The following PRKN variants were observed in gnomAD, a reference collection of about 807,000 sequenced individuals.
PRKN encodes the protein parkin RBR E3 ubiquitin protein ligase.
PRKN carries 56 observed loss-of-function variants against 59.5 expected under a neutral mutation model. That is an observed-to-expected ratio of 0.94 (90% confidence interval 0.76 to 1.18). PRKN has a LOEUF of 1.18. Among genes scored for constraint, PRKN ranks in the 50% most tolerant of loss-of-function variants. The probability of loss-of-function intolerance (pLI) is 0.00; values close to 1 mark genes in which losing one functional copy is unlikely to be tolerated. For synonymous variants in PRKN, 250 were observed against 222.1 expected (o/e 1.13, Z -1.12); for missense variants, 657 against 596.4 (o/e 1.10, Z -1.06).
At chr6:161,870,609 G>A (rs947170923) in intron 6 of PRKN, among the ~76,000 whole-genome samples, 1 of 152,102 alleles carries the variant, frequency 6.6e-6, no homozygotes, top group Non-Finnish European at 1.5e-5. Flanking sequence ...TGATCAGAAG[G>A]CTATCAATAT....
Position 161,498,540 on chromosome 6 carries a change from C to T in PRKN, c.1083+50314G>A, listed in dbSNP as rs2115294020. On this transcript the variant is annotated intron_variant, in intron 9 of 11. Transcript: ENST00000366898. The surrounding 1 kb of genome is among the most constrained non-coding windows in gnomAD (Gnocchi z 4.2). ...AGATGTCGTCAAATGCCTTGTTTGG[C>T]CAATGAAATGTGGGTGGCAATGACA... 6.6e-6 allele frequency among the ~76,000 whole-genome samples: 1 copy of T among 152,250 alleles called. No individual in the cohort carries two copies. The highest frequency in any genetic ancestry group is 1.9e-4 in the East Asian group (1 of 5,168).
chr6:161,678,536 A>G (rs1246509139), intron 7 of PRKN, among the ~76,000 whole-genome samples: 1 of 149,822 alleles, frequency 6.7e-6, no homozygotes, highest in African/African-American at 2.5e-5. Flanking sequence ...TAAGCAAAAA[A>G]CCTTTAAATT....
intron 5 of PRKN, among the ~76,000 whole-genome samples, chr6:161,994,143 A>T (rs1156693768): frequency 2.6e-5 from 4 of 152,036 alleles, no homozygotes; most frequent in African/African-American, 9.7e-5. Flanking sequence ...ATCAAGTGAG[A>T]TTTTTCTCAG....
At chr6:162,423,782 T>C (rs997218748) in intron 2 of PRKN, among the ~76,000 whole-genome samples, 3 of 152,166 alleles carry the variant, frequency 2.0e-5, no homozygotes, top group Non-Finnish European at 2.9e-5. Context: ...TTATACTAAA[T>C]AATGTCTATT....
At chr6:161,858,094 C>A (rs1278816494) in intron 6 of PRKN, among the ~76,000 whole-genome samples, 1 of 152,164 alleles carries the variant, frequency 6.6e-6, no homozygotes, top group East Asian at 1.9e-4. Context: ...ATGCATAAAG[C>A]AGGTACTAAT....
chr6:161,799,667 A>C (rs1791000398), intron 6 of PRKN, among the ~76,000 whole-genome samples: 1 of 152,224 alleles, frequency 6.6e-6, no homozygotes, highest in South Asian at 2.1e-4. Context: ...TTGTCTCTTC[A>C]GATTGGAAGG....
chr6:161,566,934 T>G lies in PRKN; in HGVS notation c.933+2421A>C, dbSNP rs1396974066. Among the ~76,000 whole-genome samples, 1 of 152,122 alleles carries G rather than the reference T, an allele frequency of 6.6e-6. No homozygotes were observed. Among genetic ancestry groups the G allele is most frequent in the Non-Finnish European group, 1.5e-5 (1 of 68,034 alleles). ...TGAGGCTTCTCTGGATACCTTTCAG[T>G]CTTTATTCACCTGTCACCTGCTCAG... On this transcript the variant is annotated intron_variant, in intron 8 of 11. Coordinates refer to ENST00000366898, the MANE Select transcript of PRKN (RefSeq NM_004562.3). The surrounding 1 kb of genome is among the most constrained non-coding windows in gnomAD (Gnocchi z 4.1).
chr6:161,905,788 C>T (rs1370189680), intron 6 of PRKN, among the ~76,000 whole-genome samples: 1 of 151,982 alleles, frequency 6.6e-6, no homozygotes, highest in Middle Eastern at 3.4e-3. Flanking sequence ...TGGTGAAACC[C>T]TGTCTCTACC....
At chr6:161,729,082 T>C (rs906158459) in intron 7 of PRKN, among the ~76,000 whole-genome samples, 60 of 152,362 alleles carry the variant, frequency 3.9e-4, no homozygotes, top group African/African-American at 1.4e-3. Flanking sequence ...ACAATTATTC[T>C]TCCTTTGTTC....
chr6:161,939,457 C>A (rs879574530), intron 6 of PRKN, among the ~76,000 whole-genome samples: 55 of 142,196 alleles, frequency 3.9e-4, no homozygotes, highest in Admixed American at 5.8e-4. Context: ...CGTCGTCGGG[C>A]ATGGTGGCTC....
intron 2 of PRKN, among the ~76,000 whole-genome samples, chr6:162,324,918 A>G (rs1296782137): frequency 7.9e-6 from 1 of 125,858 alleles, no homozygotes; most frequent in Non-Finnish European, 1.8e-5. Context: ...CAACTTTTGC[A>G]TCTGATGTAA....
chr6:161,757,455 G>T lies in PRKN; in HGVS notation c.871+28317C>A, dbSNP rs114994334. 6.1e-3 allele frequency among the ~76,000 whole-genome samples: 926 copies of T among 152,008 alleles called. 11 individuals carry two copies. The highest frequency in any genetic ancestry group is 0.021 in the African/African-American group (884 of 41,474). ...CCAGCCTGAACGACAGAGACTCCGT[G>T]TCACCATAAAAATAATAATAAAATA... On this transcript the variant is annotated intron_variant, in intron 7 of 11. Coordinates refer to ENST00000366898, the MANE Select transcript of PRKN (RefSeq NM_004562.3).
At chr6:161,912,715 C>G (rs754396329) in intron 6 of PRKN, among the ~76,000 whole-genome samples, 2 of 152,048 alleles carry the variant, frequency 1.3e-5, no homozygotes, top group Non-Finnish European at 2.9e-5. Flanking sequence ...TGGCTGCCAG[C>G]CATCCTCACC....
At chr6:162,423,544 G>A (rs1325207926) in intron 2 of PRKN, among the ~76,000 whole-genome samples, 1 of 152,164 alleles carries the variant, frequency 6.6e-6, no homozygotes, top group African/African-American at 2.4e-5. Context: ...CACAATGACA[G>A]GGAGTAGGAG....
intron 2 of PRKN, among the ~76,000 whole-genome samples, chr6:162,333,279 G>C (rs1312512945): frequency 6.7e-6 from 1 of 148,698 alleles, no homozygotes; most frequent in Non-Finnish European, 1.5e-5. Context: ...AGGCTAGAGT[G>C]CACATGCAGG....
chr6:161,884,243 T>C (rs950053159), intron 6 of PRKN, among the ~76,000 whole-genome samples: 5 of 152,196 alleles, frequency 3.3e-5, no homozygotes, highest in Non-Finnish European at 7.3e-5. Context: ...TACATTAGCA[T>C]GTTTCTAATG....
At chr6:162,522,173 G>C (rs1388620660) in intron 1 of PRKN, among the ~76,000 whole-genome samples, 2 of 152,206 alleles carry the variant, frequency 1.3e-5, no homozygotes, top group Non-Finnish European at 2.9e-5. Flanking sequence ...ACCCAGGCTA[G>C]AGTGTAGTGG....
At chr6:161,679,420 T>C (rs1482052012) in intron 7 of PRKN, among the ~76,000 whole-genome samples, 1 of 152,052 alleles carries the variant, frequency 6.6e-6, no homozygotes, top group African/African-American at 2.4e-5. Context: ...CTCTGACCCC[T>C]GAGCCACACT....
intron 4 of PRKN, among the ~76,000 whole-genome samples, chr6:162,172,109 C>T (rs1435651359): frequency 6.6e-6 from 1 of 152,206 alleles, no homozygotes; most frequent in Non-Finnish European, 1.5e-5. Flanking sequence ...CACCTAAGGA[C>T]ACAGAGTAAG....
Sources: gnomAD v4.1 joint callset for allele counts (sites outside exome capture counted in the v4.1 genomes callset) on GRCh38, gnomAD v4.1.1 for gene constraint, Gnocchi (gnomAD v3.1) non-coding constraint, MANE v1.5 for transcripts, NCBI Gene and HGNC (gene_info 2026-07-23, HGNC 2026-07-21) for gene names.